The following AMDHD2 variants were observed in gnomAD, a reference collection of about 807,000 sequenced individuals.
AMDHD2 encodes the protein N-acetylglucosamine-6-phosphate deacetylase.
A neutral mutation model predicts 41.8 loss-of-function variants in AMDHD2; 24 were observed. The ratio of observed to expected loss-of-function variants is 0.57; its 90% CI spans 0.42 to 0.81. AMDHD2 has a LOEUF of 0.81. Ranked by LOEUF, AMDHD2 falls within the 30% of genes least tolerant of loss-of-function variation. The pLI, the probability that AMDHD2 is intolerant of heterozygous loss-of-function variation, is 0.00. For synonymous variants in AMDHD2, 332 were observed against 255.5 expected, an observed-to-expected ratio of 1.30 and a Z score of -2.85; for missense variants, 540 against 588.5, an observed-to-expected ratio of 0.92 and a Z score of 0.85.
chr16:2,528,890 G>T (rs760849450), intron 9 of AMDHD2, 104 bp from the exon 10 acceptor site: 1 of 1,464,264 alleles, frequency 6.8e-7, no homozygotes, highest in South Asian at 1.2e-5. Flanking sequence ...GTCCTTGTTA[G>T]CCTGCTGCAG....
rs190019752 is a variant in AMDHD2, at chr16:2,522,074, G to A, written c.360+951G>A. Among the ~76,000 whole-genome samples, 167 of 151,952 alleles carry A rather than the reference G, an allele frequency of 1.1e-3. 3 individuals carry two copies. Among genetic ancestry groups the A allele is most frequent in the Admixed American group, 9.6e-3 (147 of 15,274 alleles). On this transcript the variant is annotated intron_variant, in intron 3 of 10. Coordinates refer to ENST00000293971, the MANE Select transcript of AMDHD2 (RefSeq NM_001330449.2). ...GCTGGGATTACAGGCGTGAGCCACC[G>A]CGCCCGGCCAGTTTTTGTTATTTTT...
rs1467589857 is a variant in AMDHD2 at position 2,530,319 on chromosome 16, G to A, written c.*756G>A. 4.3e-6 allele frequency: 7 copies of A among 1,614,104 alleles called. No homozygotes were observed. The highest frequency in any genetic ancestry group is 4.0e-5 in the African/African-American group (3 of 75,068). ...CTGGAGGGCAGTATGGGAGGCACCA[G>A]TGTGCCCTGCTCACCCCATTAGTGT... is the stretch of plus-strand genomic sequence containing the variant. On this transcript the variant is annotated 3_prime_UTR_variant, in exon 11 of 11. Transcript: ENST00000293971.
Position 2,520,410 on chromosome 16 carries a change from T to C in AMDHD2, c.-49T>C. 8.3e-7 allele frequency: 1 copy of C among 1,205,678 alleles called. No homozygotes were observed. Among genetic ancestry groups the C allele is most frequent in the Non-Finnish European group, 1.0e-6 (1 of 966,630 alleles). The allele number at this position is 1,205,678 out of a possible 1,614,324, so 74.7% of individuals were successfully genotyped here. On this transcript the variant is annotated 5_prime_UTR_variant, in exon 1 of 11. Transcript: ENST00000293971. ...CTGGGGTTCGTCACTGGGCGCGGGA[T>C]TTGGCCGCCGCGGGGCTCCGGAGCC...
At chr16:2,528,759 G>A in intron 9 of AMDHD2, 41 bp downstream of exon 9, 1 of 1,605,594 alleles carries the variant, frequency 6.2e-7, no homozygotes, top group Non-Finnish European at 8.5e-7. Flanking sequence ...TGGTCTGTGA[G>A]TGGTGGGTCC....
Position 2,527,754 on chromosome 16 carries a change from A to G in AMDHD2, c.416-19A>G. 6.4e-7 allele frequency: 1 copy of G among 1,560,744 alleles called. No homozygotes were observed. Among genetic ancestry groups the G allele is most frequent in the Non-Finnish European group, 8.6e-7 (1 of 1,156,838 alleles). ...GGTGGGGCAGGGACCTGCTGGAGCC[A>G]CTTGCTCCCTCCTCCCAGGGCTGCA... is the stretch of plus-strand genomic sequence containing the variant. On this transcript the variant is annotated intron_variant, in intron 4 of 10. Coordinates refer to ENST00000293971, the MANE Select transcript of AMDHD2 (RefSeq NM_001330449.2). This position sits in a 1 kb window ranked among gnomAD's most constrained non-coding sequence, Gnocchi z 6.1.
At chr16:2,528,891 C>T (rs2066046049) in intron 9 of AMDHD2, 103 bp from the exon 10 acceptor site, 3 of 1,469,796 alleles carry the variant, frequency 2.0e-6, no homozygotes, top group Admixed American at 2.4e-5. Context: ...TCCTTGTTAG[C>T]CTGCTGCAGA....
Position 2,528,511 on chromosome 16 carries a change from C to T in AMDHD2, c.922C>T (p.Leu308=), listed in dbSNP as rs747007662. 4.3e-6 allele frequency: 7 copies of T among 1,612,890 alleles called. No individual in the cohort carries two copies. The South Asian group carries it at 7.7e-5, about 18-fold the overall frequency. Reference sequence around the variant, plus strand: ...GGGCCTGGGCAACGGCCGGCACACGCTGGGACAGCAGGAAGTGGAAGTGGA... The same window carrying T: ...GGGCCTGGGCAACGGCCGGCACACGTTGGGACAGCAGGAAGTGGAAGTGGA... ...ALGLGNGRHT[L]GQQEVEVDGL... The change falls in exon 8 of 11, where the codon CTG becomes TTG. Residue 308 remains leucine, a synonymous_variant. Coordinates refer to ENST00000293971, the MANE Select transcript of AMDHD2 (RefSeq NM_001330449.2).
chr16:2,521,781 GTTTTT>G (rs57701626), intron 3 of AMDHD2, among the ~76,000 whole-genome samples: 3 of 111,594 alleles, frequency 2.7e-5, no homozygotes, highest in African/African-American at 7.8e-5. Flanking sequence ...TTTTTGTTTA[GTTTTT>G]TTTTTTTTTT....
intron 3 of AMDHD2, among the ~76,000 whole-genome samples, 178 bp downstream of exon 3, chr16:2,521,301 G>A (rs1246508232): frequency 6.7e-6 from 1 of 149,930 alleles, no homozygotes; most frequent in African/African-American, 2.5e-5. Context: ...ATCAGTTGTC[G>A]CTCTGCCTGG....
Position 2,529,960 on chromosome 16 carries a change from A to G in AMDHD2, c.*397A>G. On this transcript the variant is annotated 3_prime_UTR_variant, in exon 11 of 11. Transcript: ENST00000293971. ...GGGCAGGCAGTCAGTGGCTGGTGCC[A>G]TGGGGTGAAGCCACCATGGGCTGGG... 1 of 798,954 alleles carries G rather than the reference A, an allele frequency of 1.3e-6. No homozygotes were observed. The highest frequency in any genetic ancestry group is 1.9e-6 in the Non-Finnish European group (1 of 530,554). The allele number at this position is 798,954 out of a possible 1,614,324, so 49.5% of individuals were successfully genotyped here.
Position 2,520,421 on chromosome 16 carries a change from C to T in AMDHD2, c.-38C>T, listed in dbSNP as rs1367093575. 1.1e-5 allele frequency: 13 copies of T among 1,222,552 alleles called. No individual in the cohort carries two copies. The highest frequency in any genetic ancestry group is 1.6e-5 in the African/African-American group (1 of 63,518). 75.7% of individuals were successfully genotyped at this position (1,222,552 alleles called of 1,614,324 possible). A position where few individuals can be genotyped will look rare whatever the true frequency, so the allele number is the denominator to read the frequency against. On this transcript the variant is annotated 5_prime_UTR_variant, in exon 1 of 11. Transcript: ENST00000293971. ...CACTGGGCGCGGGATTTGGCCGCCG[C>T]GGGGCTCCGGAGCCGCTCGCTCCCG...
At chr16:2,525,835 C>T (rs148901588) in intron 3 of AMDHD2, among the ~76,000 whole-genome samples, 58 of 152,212 alleles carry the variant, frequency 3.8e-4, no homozygotes, top group African/African-American at 6.0e-4. Flanking sequence ...TGAGCCACCG[C>T]GCCTGGCCAA....
intron 10 of AMDHD2, 146 bp from the exon 11 acceptor site, chr16:2,529,329 T>A: frequency 7.6e-7 from 1 of 1,315,746 alleles, no homozygotes; most frequent in Non-Finnish European, 1.1e-6. Context: ...AGTACCTCTG[T>A]CCATCTGTGA....
chr16:2,526,845 G>T (rs534439122), intron 3 of AMDHD2, among the ~76,000 whole-genome samples: 1 of 152,228 alleles, frequency 6.6e-6, no homozygotes, highest in East Asian at 1.9e-4. Flanking sequence ...CAGGAGAATC[G>T]CTTGAACTCA....
Position 2,528,348 on chromosome 16 carries a change from C to T in AMDHD2, c.830C>T (p.Ala277Val), listed in dbSNP as rs759427087. 1 of 1,612,876 alleles carries T rather than the reference C, an allele frequency of 6.2e-7. No individual in the cohort carries two copies. The highest frequency in any genetic ancestry group is 1.3e-5 in the African/African-American group (1 of 75,038). ...GATGGCACGCACACCAACCCCGCCG[C>T]CCTGCGGATCGCCCACCGTGCCCAT... Reference protein sequence around the residue: ...IADGTHTNPAALRIAHRAHPQ... With the variant: ...IADGTHTNPAVLRIAHRAHPQ... The change falls in exon 7 of 11, where the codon GCC becomes GTC. Residue 277 changes from alanine to valine, a missense_variant. Transcript: ENST00000293971.
At chr16:2,523,139 A>G (rs996404099) in intron 3 of AMDHD2, among the ~76,000 whole-genome samples, 2 of 152,166 alleles carry the variant, frequency 1.3e-5, no homozygotes, top group Non-Finnish European at 2.9e-5. Context: ...ATGGTGCCCA[A>G]CCAATACTTA....
rs1430268085 is a variant in AMDHD2 at position 2,530,172 on chromosome 16, C to T, written c.*609C>T. ...GGCCCGGGACCCCTGTTTTCTGCTC[C>T]CTGGACTGCCTAGCCCTGAGTGCCA... On this transcript the variant is annotated 3_prime_UTR_variant, in exon 11 of 11. Coordinates refer to ENST00000293971, the MANE Select transcript of AMDHD2 (RefSeq NM_001330449.2). 3 of 1,466,778 alleles carry T rather than the reference C, an allele frequency of 2.0e-6. No homozygotes were observed. Among genetic ancestry groups the T allele is most frequent in the Non-Finnish European group, 2.7e-6 (3 of 1,107,746 alleles). 90.9% of individuals were successfully genotyped at this position (1,466,778 alleles called of 1,614,324 possible).
Position 2,520,751 on chromosome 16 carries a change from C to T in AMDHD2, c.84-18C>T, listed in dbSNP as rs369774698. 1.4e-4 allele frequency: 222 copies of T among 1,553,490 alleles called. No individual in the cohort carries two copies. In the African/African-American group the frequency reaches 2.7e-3, roughly 19 times the overall value. On this transcript the variant is annotated intron_variant, in intron 1 of 10. Coordinates refer to ENST00000293971, the MANE Select transcript of AMDHD2 (RefSeq NM_001330449.2). ...AGGTCAGGCCCGCGATGCGAGCGCC[C>T]ACCCACTGCGTCCCCAGGGAGGATC... is the stretch of plus-strand genomic sequence containing the variant.
rs572300294 is a variant in AMDHD2, at chr16:2,530,873, A to C, written c.*1310A>C. 7 of 1,613,612 alleles carry C rather than the reference A, an allele frequency of 4.3e-6. No individual in the cohort carries two copies. The East Asian group carries it at 1.6e-4, about 36-fold the overall frequency. ...TGACCTCCTGAGAGGTGTGAGGTGC[A>C]GGGATACCCACCTCTGCCTTGACGG... On this transcript the variant is annotated 3_prime_UTR_variant, in exon 11 of 11. Transcript: ENST00000293971.
Sources: gnomAD v4.1 joint callset for allele counts (sites outside exome capture counted in the v4.1 genomes callset) on GRCh38, gnomAD v4.1.1 for gene constraint, Gnocchi (gnomAD v3.1) non-coding constraint, MANE v1.5 for transcripts, NCBI Gene and HGNC (gene_info 2026-07-23, HGNC 2026-07-21) for gene names.